LRP1B: variants seen among roughly 807,000 people sequenced by gnomAD.
The protein encoded by LRP1B is LDL receptor related protein 1B, also known as low-density lipoprotein receptor-related protein 1B.
LRP1B carries 217 observed loss-of-function variants against 556.6 expected under a neutral mutation model. The observed-to-expected ratio is 0.39, with a 90% CI of 0.35 to 0.44. The LOEUF is 0.44. Among genes scored for constraint, LRP1B ranks in the 20% least tolerant of loss-of-function variants. LRP1B has a pLI of 1.00. For missense variants in LRP1B, 5,053 were observed against 5,620.8 expected (o/e 0.90, Z 3.23); for synonymous variants, 2,047 against 1,865.8 (o/e 1.10, Z -2.50).
intron 59 of LRP1B, among the ~76,000 whole-genome samples, chr2:140,484,473 G>T (rs1688383883): frequency 6.6e-6 from 1 of 152,082 alleles, no homozygotes; most frequent in African/African-American, 2.4e-5. Context: ...GAGTACCAAA[G>T]TTATCCTAAC....
chr2:140,945,862 C>T (rs1426988222), intron 20 of LRP1B, among the ~76,000 whole-genome samples: 1 of 151,948 alleles, frequency 6.6e-6, no homozygotes, highest in Non-Finnish European at 1.5e-5. Flanking sequence ...ATAAGTGAGA[C>T]CTAATTAAAC....
At chr2:141,805,577 G>A (rs1487572394) in intron 2 of LRP1B, 2 of 152,102 alleles carry the variant, frequency 1.3e-5, no homozygotes, top group Non-Finnish European at 2.9e-5. Context: ...GAGCAGCAGT[G>A]CCTGAGCACA....
At chr2:140,998,889 A>G (rs1697330559) in intron 15 of LRP1B, among the ~76,000 whole-genome samples, 1 of 152,092 alleles carries the variant, frequency 6.6e-6, no homozygotes, top group South Asian at 2.1e-4. Context: ...CTCAGATTGC[A>G]CAGTTAATCC....
chr2:140,497,947 CAT>C (rs771786274), intron 55 of LRP1B, among the ~76,000 whole-genome samples: 13 of 151,636 alleles, frequency 8.6e-5, no homozygotes, highest in East Asian at 3.9e-4. Context: ...TTTGAAATAA[CAT>C]GTGTAAAAAG....
At chr2:141,000,647 G>A (rs930566360) in intron 15 of LRP1B, among the ~76,000 whole-genome samples, 2 of 151,954 alleles carry the variant, frequency 1.3e-5, no homozygotes, top group East Asian at 1.9e-4. Context: ...AACTCGCAGA[G>A]GACTGATTCG....
intron 2 of LRP1B, among the ~76,000 whole-genome samples, chr2:141,657,431 A>G (rs116500121): frequency 0.012 from 1,783 of 152,250 alleles, 20 homozygotes; most frequent in South Asian, 0.025. Flanking sequence ...TTTCATAAAG[A>G]GTCCCTATTA....
intron 66 of LRP1B, among the ~76,000 whole-genome samples, chr2:140,425,026 T>C (rs1179793934): frequency 6.6e-6 from 1 of 152,140 alleles, no homozygotes; most frequent in East Asian, 1.9e-4. Flanking sequence ...TTTTCGATTA[T>C]AATCCCTGGC....
At chr2:141,741,486 A>G (rs1327449138) in intron 2 of LRP1B, among the ~76,000 whole-genome samples, 1 of 144,036 alleles carries the variant, frequency 6.9e-6, no homozygotes, top group African/African-American at 2.5e-5. Flanking sequence ...TTTGCATAAA[A>G]TGCATTTTAA....
intron 1 of LRP1B, among the ~76,000 whole-genome samples, chr2:142,035,666 T>C (rs1427120914): frequency 6.6e-6 from 1 of 151,638 alleles, no homozygotes; most frequent in Non-Finnish European, 1.5e-5. Flanking sequence ...AACAACTTTT[T>C]TTCTGGATTT....
intron 45 of LRP1B, among the ~76,000 whole-genome samples, chr2:140,540,521 G>C (rs10496847): frequency 0.017 from 2,580 of 152,194 alleles, 78 homozygotes; most frequent in African/African-American, 0.059. Context: ...GTTTGGAAAT[G>C]ATTACACATA....
At chr2:140,973,045 TTTC>T (rs1696479746) in intron 18 of LRP1B, among the ~76,000 whole-genome samples, 1 of 85,664 alleles carries the variant, frequency 1.2e-5, no homozygotes, top group South Asian at 3.9e-4. Context: ...ATTAAATATA[TTTC>T]ATTTTATATA....
At chr2:141,775,195 A>G (rs1019892676) in intron 2 of LRP1B, among the ~76,000 whole-genome samples, 2 of 152,152 alleles carry the variant, frequency 1.3e-5, no homozygotes, top group African/African-American at 4.8e-5. Flanking sequence ...CTCGTGGGTT[A>G]TCTCAACTTT....
chr2:141,671,626 C>T (rs1259383115), intron 2 of LRP1B, among the ~76,000 whole-genome samples: 3 of 152,084 alleles, frequency 2.0e-5, no homozygotes, highest in Admixed American at 6.6e-5. Flanking sequence ...ATCAACATAC[C>T]ATTGCATTCT....
In LRP1B at chr2:140,903,013, T is replaced by A. The variant is rs2105222885; in HGVS notation, c.3673A>T (p.Ser1225Cys). 1 of 1,613,784 alleles carries A rather than the reference T, an allele frequency of 6.2e-7. No homozygotes were observed. The highest frequency in any genetic ancestry group is 8.5e-7 in the Non-Finnish European group (1 of 1,179,782). ...TGCTTGTGCTGCTCACATACTTGGC[T>A]GCACTTTAGATGATTGCTACAATAA... Reference protein sequence around the residue: ...VDYCSNHLKCSQVCEQHKHTV... With the variant: ...VDYCSNHLKCCQVCEQHKHTV... Residue 1225 changes from serine to cysteine, a missense_variant, in exon 23 of 91, where the codon AGC becomes TGC. Ser to Cys is a moderately radical substitution (Grantham distance 112). This residue lies in a region of LRP1B where 3,619 missense variants were observed against 3,931.9 expected (regional missense o/e 0.92). Transcript: ENST00000389484.
intron 82 of LRP1B, among the ~76,000 whole-genome samples, chr2:140,318,066 C>G (rs1312067490): frequency 2.0e-5 from 3 of 151,886 alleles, no homozygotes; most frequent in African/African-American, 4.8e-5. Flanking sequence ...ATTTCTTACA[C>G]AAAGATTAAA....
At chr2:140,399,565 C>T (rs1023157122) in intron 66 of LRP1B, among the ~76,000 whole-genome samples, 14 of 152,262 alleles carry the variant, frequency 9.2e-5, no homozygotes, top group Admixed American at 3.9e-4. Context: ...GTCTGGAGTA[C>T]AGGCTCTATG....
intron 27 of LRP1B, among the ~76,000 whole-genome samples, chr2:140,853,667 T>G (rs1397068737): frequency 3.0e-5 from 4 of 131,482 alleles, no homozygotes; most frequent in Non-Finnish European, 6.5e-5. Flanking sequence ...AGTAATAGTG[T>G]CTTTGTATTT....
At chr2:141,490,798 C>T (rs1160043530) in intron 2 of LRP1B, among the ~76,000 whole-genome samples, 4 of 152,158 alleles carry the variant, frequency 2.6e-5, no homozygotes, top group East Asian at 3.9e-4. Flanking sequence ...GTTTTAAATG[C>T]TCCTTTATTC....
chr2:141,106,104 C>A (rs1203626907), intron 7 of LRP1B, among the ~76,000 whole-genome samples: 2 of 152,134 alleles, frequency 1.3e-5, no homozygotes, highest in African/African-American at 4.8e-5. Context: ...TGATTTGGTA[C>A]TTCATCTCAC....
Sources: gnomAD v4.1 joint callset for allele counts (sites outside exome capture counted in the v4.1 genomes callset) on GRCh38, gnomAD v4.1.1 for gene constraint, gnomAD v4.1.1 regional missense constraint, MANE v1.5 for transcripts, NCBI Gene and HGNC (gene_info 2026-07-23, HGNC 2026-07-21) for gene names.